PATL2: variants seen among roughly 807,000 people sequenced by gnomAD.
PATL2 encodes the protein PAT1 homolog 2.
In PATL2, 73 loss-of-function variants were observed where a neutral mutation model predicts 77.0. The ratio of observed to expected loss-of-function variants is 0.95; its 90% confidence interval spans 0.78 to 1.15. The LOEUF (loss-of-function observed/expected upper bound fraction) is 1.15, where lower values mean the gene tolerates loss of function less well. Among genes scored for constraint, PATL2 ranks in the 50% most tolerant of loss-of-function variants. PATL2 has a pLI of 0.00. For missense variants in PATL2, 618 were observed against 655.4 expected (o/e 0.94, Z 0.62); for synonymous variants, 265 against 257.1 (o/e 1.03, Z -0.29).
At position 44,667,101 on chromosome 15, in the gene PATL2, C is replaced by T; in HGVS notation, c.1463+5G>A. 6.5e-7 allele frequency: 1 copy of T among 1,548,684 alleles called. No homozygotes were observed. Among genetic ancestry groups the T allele is most frequent in the Non-Finnish European group, 8.7e-7 (1 of 1,144,274 alleles). On this transcript the variant is annotated splice_donor_5th_base_variant and intron_variant, in intron 16 of 17. Coordinates refer to ENST00000682850, the MANE Select transcript of PATL2 (RefSeq NM_001387263.1). ...ATAGTATTTACAAGGCCTTTATGAT[C>T]TTACCAAGCTGTATGGTCACTGTTG...
intron 3 of PATL2, among the ~76,000 whole-genome samples, chr15:44,694,764 T>TG (rs1314404333): frequency 6.6e-6 from 1 of 152,216 alleles, no homozygotes; most frequent in African/African-American, 2.4e-5. Flanking sequence ...TGGCAACATC[T>TG]GGTGGAGGCA....
At chr15:44,694,546 C>T (rs1308521093) in intron 3 of PATL2, among the ~76,000 whole-genome samples, 1 of 152,114 alleles carries the variant, frequency 6.6e-6, no homozygotes, top group Non-Finnish European at 1.5e-5. Flanking sequence ...CTGTCTCCTA[C>T]ATTTTCCTGG....
chr15:44,666,360 G>A, intron 17 of PATL2, 32 bp downstream of exon 17: 1 of 1,551,098 alleles, frequency 6.4e-7, no homozygotes, highest in Non-Finnish European at 8.7e-7. Flanking sequence ...GCTTGAACAA[G>A]GGGCTTTGAC....
chr15:44,709,176 GGT>G (rs761111289), intron 3 of PATL2, among the ~76,000 whole-genome samples: 8 of 152,136 alleles, frequency 5.3e-5, no homozygotes, highest in Non-Finnish European at 1.2e-4. Flanking sequence ...TCAGATTACA[GGT>G]GTGAGCCACC....
In PATL2 at chr15:44,671,593, G is replaced by C. The variant is rs190378616; in HGVS notation, c.657+422C>G. On this transcript the variant is annotated intron_variant, in intron 9 of 17. Coordinates refer to ENST00000682850, the MANE Select transcript of PATL2 (RefSeq NM_001387263.1). Reference sequence around the variant, plus strand: ...GGCAGAAGGAAGCAGGGGAAAATGAGTAAAAATATCTGCTGTCGTTCTTTC... The same window carrying C: ...GGCAGAAGGAAGCAGGGGAAAATGACTAAAAATATCTGCTGTCGTTCTTTC... Among the ~76,000 whole-genome samples the C allele has an allele frequency of 1.9e-3, 283 of 152,212 alleles. 1 individual carries two copies. Among genetic ancestry groups the C allele is most frequent in the South Asian group, 2.3e-3 (11 of 4,826 alleles).
At chr15:44,698,036 GC>G in intron 3 of PATL2, among the ~76,000 whole-genome samples, 1 of 151,434 alleles carries the variant, frequency 6.6e-6, no homozygotes, top group South Asian at 2.1e-4. Context: ...ACCATGCCTG[GC>G]TTGGTCATTT....
rs7181037 is a variant in PATL2 at position 44,703,414 on chromosome 15, G to A, written c.-76+6682C>T. On this transcript the variant is annotated intron_variant, in intron 3 of 17. Coordinates refer to ENST00000682850, the MANE Select transcript of PATL2 (RefSeq NM_001387263.1). ...AGTCTCCAGCTATTATTGTATTGGG[G>A]TCTATCTCTCTCTTTAGCTCTAATA... Among the ~76,000 whole-genome samples, 1,308 of 152,142 alleles carry A rather than the reference G, an allele frequency of 8.6e-3. 34 individuals are homozygous for A. Among genetic ancestry groups the A allele is most frequent in the African/African-American group, 0.03 (1,249 of 41,452 alleles).
intron 3 of PATL2, chr15:44,677,011 G>T: frequency 1.6e-6 from 1 of 625,028 alleles, no homozygotes; most frequent in Non-Finnish European, 2.0e-6. Context: ...GGGGCCTGAT[G>T]GAAATATGAG....
chr15:44,693,437 A>G (rs1008103042), intron 3 of PATL2, among the ~76,000 whole-genome samples: 10 of 152,148 alleles, frequency 6.6e-5, no homozygotes, highest in African/African-American at 2.4e-4. Context: ...AGCTTGTGGC[A>G]TCTCTGACCA....
At chr15:44,679,388 C>A (rs1000400696) in intron 3 of PATL2, among the ~76,000 whole-genome samples, 2 of 151,854 alleles carry the variant, frequency 1.3e-5, no homozygotes, top group Non-Finnish European at 2.9e-5. Context: ...GTGCCATGCC[C>A]GGCTAATTTT....
chr15:44,705,418 G>T (rs2086714490), intron 3 of PATL2, among the ~76,000 whole-genome samples: 1 of 152,138 alleles, frequency 6.6e-6, no homozygotes, highest in African/African-American at 2.4e-5. Flanking sequence ...CTGACCTCAT[G>T]ATCTGCCCAC....
In PATL2 at chr15:44,711,283, G is replaced by T. The variant is rs566141842; in HGVS notation, c.-517C>A. On this transcript the variant is annotated 5_prime_UTR_variant, in exon 1 of 18. Transcript: ENST00000682850. Reference sequence around the variant, plus strand: ...ATGAGCGCCCGGTGTCCCAAGCTGGGGCGCGCACCCCAGATCGGAGGGCGC... The same window carrying T: ...ATGAGCGCCCGGTGTCCCAAGCTGGTGCGCGCACCCCAGATCGGAGGGCGC... The T allele has an allele frequency of 1.4e-4, 83 of 591,000 alleles. No individual in the cohort carries two copies. In the Middle Eastern group the frequency reaches 2.7e-3, roughly 19 times the overall value. The allele number at this position is 591,000 out of a possible 1,614,324, so 36.6% of individuals were successfully genotyped here. A position where few individuals can be genotyped will look rare whatever the true frequency, so the allele number is the denominator to read the frequency against.
In PATL2 at chr15:44,675,593, C is replaced by T; in HGVS notation, c.115G>A (p.Glu39Lys). 1.3e-6 allele frequency: 2 copies of T among 1,551,110 alleles called. No homozygotes were observed. The highest frequency in any genetic ancestry group is 1.7e-6 in the Non-Finnish European group (2 of 1,146,184). ...TCCAGATCCTCCTCGTCCTCCTCCT[C>T]TTCCTCCTCCTCCCCTTCATTCTCT... is the stretch of plus-strand genomic sequence containing the variant. ...EEENEGEEEE[E>K]EEDEEDLDPD... Residue 39 changes from glutamate to lysine, a missense_variant, in exon 5 of 18, where the codon GAG (glutamate) becomes AAG (lysine). By Grantham distance (56) the Glu-to-Lys change is moderately conservative. Transcript: ENST00000682850.
intron 16 of PATL2, chr15:44,666,880 A>T (rs2085399363): frequency 1.9e-6 from 1 of 518,750 alleles, no homozygotes; most frequent in South Asian, 2.9e-5. Context: ...GGTCTTTTTA[A>T]AATCTAAAGC....
intron 3 of PATL2, among the ~76,000 whole-genome samples, chr15:44,680,868 G>A (rs755461770): frequency 4.6e-5 from 7 of 152,090 alleles, no homozygotes; most frequent in East Asian, 1.9e-4. Flanking sequence ...ATTATTTGAC[G>A]TATTAGTTCT....
chr15:44,675,238 G>A (rs945042468), intron 5 of PATL2: 12 of 476,798 alleles, frequency 2.5e-5, no homozygotes, highest in East Asian at 1.1e-4. Flanking sequence ...CAGGGCCACC[G>A]CCTGTGGGCG....
chr15:44,677,729 A>T (rs2086020436), intron 3 of PATL2, among the ~76,000 whole-genome samples: 1 of 152,236 alleles, frequency 6.6e-6, no homozygotes, highest in South Asian at 2.1e-4. Context: ...CATGGTGATA[A>T]GACCATGATT....
intron 3 of PATL2, among the ~76,000 whole-genome samples, chr15:44,694,698 C>G (rs1326070705): frequency 6.6e-6 from 1 of 152,108 alleles, no homozygotes; most frequent in Non-Finnish European, 1.5e-5. Context: ...TTAGACTAAC[C>G]CTGCTTATTC....
Position 44,667,122 on chromosome 15 carries a change from T to C in PATL2, c.1447A>G (p.Ser483Gly). 1 of 1,551,478 alleles carries C rather than the reference T, an allele frequency of 6.4e-7. No homozygotes were observed. The change falls in exon 16 of 18, where the codon AGT becomes GGT. Residue 483 changes from serine (S) to glycine (G), a missense_variant. Transcript: ENST00000682850. Reference protein sequence around the residue: ...SLHSSLEEPNSDHTAWTDMVV... With the variant: ...SLHSSLEEPNGDHTAWTDMVV... ...TGATCTTACCAAGCTGTATGGTCAC[T>C]GTTGGGTTCCTCTAGGGAAGAATGC...
Sources: allele counts gnomAD v4.1 joint callset (sites outside exome capture counted in the v4.1 genomes callset), GRCh38; gene constraint gnomAD v4.1.1; transcripts MANE v1.5; gene names NCBI Gene and HGNC (gene_info 2026-07-23, HGNC 2026-07-21).